The following PDZD2 variants were observed in gnomAD, a reference collection of about 807,000 sequenced individuals.
PDZD2 encodes PDZ domain-containing protein 2.
Under a neutral mutation model 220.7 loss-of-function variants are expected in PDZD2, and 90 were observed. The observed-to-expected ratio is 0.41, with a 90% confidence interval of 0.34 to 0.49. The LOEUF (loss-of-function observed/expected upper bound fraction) is 0.49. PDZD2 is among the 20% of genes least tolerant of loss of function. The probability of loss-of-function intolerance (pLI) is 0.28; values close to 1 mark genes in which losing one functional copy is unlikely to be tolerated. For synonymous variants in PDZD2, 1,375 were observed against 1,450.5 expected (o/e 0.95, Z 1.18); for missense variants, 3,174 against 3,608.5 (o/e 0.88, Z 3.08).
At chr5:31,880,219 G>A (rs532178918) in intron 2 of PDZD2, among the ~76,000 whole-genome samples, 2 of 151,962 alleles carry the variant, frequency 1.3e-5, no homozygotes, top group East Asian at 1.9e-4. Flanking sequence ...CACTGCACCC[G>A]GCCAATACCT....
intron 6 of PDZD2, among the ~76,000 whole-genome samples, chr5:32,027,522 G>T (rs969698423): frequency 3.3e-4 from 50 of 152,268 alleles, no homozygotes; most frequent in Admixed American, 9.8e-4. Flanking sequence ...CCTGAGCGTC[G>T]CAGTGGGCAT....
chr5:31,838,298 T>A (rs1053973692), intron 2 of PDZD2, among the ~76,000 whole-genome samples: 4 of 152,160 alleles, frequency 2.6e-5, no homozygotes, highest in Non-Finnish European at 5.9e-5. Flanking sequence ...CCTCAAATGA[T>A]CTGCCTGCCT....
intron 1 of PDZD2, among the ~76,000 whole-genome samples, chr5:31,788,468 A>G (rs1753512555): frequency 1.3e-5 from 2 of 152,222 alleles, no homozygotes; most frequent in African/African-American, 4.8e-5. Context: ...GATCGAGACC[A>G]TCCTGGCTAA....
intron 2 of PDZD2, among the ~76,000 whole-genome samples, chr5:31,951,446 C>T (rs1360125079): frequency 3.9e-5 from 6 of 152,070 alleles, no homozygotes; most frequent in East Asian, 1.9e-4. Flanking sequence ...CTCAAAGGCT[C>T]GACCTCTTAA....
intron 19 of PDZD2, 102 bp downstream of exon 19, chr5:32,077,708 GC>G: frequency 3.2e-6 from 4 of 1,260,002 alleles, no homozygotes; most frequent in Non-Finnish European, 4.5e-6. Context: ...TGTAATCCCA[GC>G]ACTCTGGGAG....
chr5:31,938,715 T>C (rs1300113908), intron 2 of PDZD2, among the ~76,000 whole-genome samples: 1 of 152,224 alleles, frequency 6.6e-6, no homozygotes, highest in East Asian at 1.9e-4. Context: ...GAATACCATG[T>C]TTTCTCATAT....
chr5:32,027,569 A>C (rs1423992631), intron 6 of PDZD2, among the ~76,000 whole-genome samples: 2 of 152,114 alleles, frequency 1.3e-5, no homozygotes, highest in Non-Finnish European at 2.9e-5. Context: ...TGCATCTGAC[A>C]ACCTCTGATC....
At chr5:31,699,977 C>T (rs548298036) in intron 1 of PDZD2, among the ~76,000 whole-genome samples, 2 of 151,934 alleles carry the variant, frequency 1.3e-5, no homozygotes, top group Non-Finnish European at 2.9e-5. Flanking sequence ...CTTGGGGAAC[C>T]CTTGAAGAAT....
intron 2 of PDZD2, among the ~76,000 whole-genome samples, chr5:31,978,427 A>G (rs1307146769): frequency 6.6e-6 from 1 of 152,208 alleles, no homozygotes; most frequent in Non-Finnish European, 1.5e-5. Context: ...GGTTTAAAGA[A>G]TTCTAAGAAT....
At chr5:31,960,984 C>G (rs181305314) in intron 2 of PDZD2, among the ~76,000 whole-genome samples, 1 of 152,232 alleles carries the variant, frequency 6.6e-6, no homozygotes, top group African/African-American at 2.4e-5. Context: ...GAGCCCAATG[C>G]CATCACTCAA....
intron 1 of PDZD2, among the ~76,000 whole-genome samples, chr5:31,697,728 C>A (rs1747432533): frequency 6.6e-6 from 1 of 152,102 alleles, no homozygotes; most frequent in South Asian, 2.1e-4. Flanking sequence ...TCCATGGTAC[C>A]AGGAGACCTC....
At chr5:31,783,963 C>T (rs777758947) in intron 1 of PDZD2, among the ~76,000 whole-genome samples, 9 of 152,156 alleles carry the variant, frequency 5.9e-5, no homozygotes, top group African/African-American at 1.7e-4. Flanking sequence ...ACTGAGTCTC[C>T]GGTCCCCTCT....
At chr5:31,840,992 T>C (rs1415841406) in intron 2 of PDZD2, 6 of 398,756 alleles carry the variant, frequency 1.5e-5, no homozygotes, top group Non-Finnish European at 2.7e-5. Flanking sequence ...TACTGGAGGA[T>C]GGCGGTTCCA....
intron 6 of PDZD2, among the ~76,000 whole-genome samples, chr5:32,037,016 T>C (rs1251283658): frequency 6.6e-6 from 1 of 152,228 alleles, no homozygotes; most frequent in Non-Finnish European, 1.5e-5. Context: ...GGTTCCATGC[T>C]GGGCGGTGAG....
intron 24 of PDZD2, among the ~76,000 whole-genome samples, chr5:32,104,654 A>C (rs990899771): frequency 4.0e-5 from 5 of 125,902 alleles, no homozygotes; most frequent in Non-Finnish European, 6.3e-5. Context: ...CAGGAGGCGG[A>C]GGTTGCAGTG....
intron 2 of PDZD2, among the ~76,000 whole-genome samples, chr5:31,816,451 G>A (rs1055215609): frequency 3.3e-5 from 5 of 152,022 alleles, no homozygotes; most frequent in African/African-American, 1.2e-4. Flanking sequence ...AGATGGTGTT[G>A]TAACAATAAA....
intron 2 of PDZD2, among the ~76,000 whole-genome samples, chr5:31,800,998 C>G (rs1385537008): frequency 6.6e-6 from 1 of 152,218 alleles, no homozygotes; most frequent in African/African-American, 2.4e-5. Context: ...TCAGTGGAAA[C>G]CAGCCAGGGG....
Position 31,830,332 on chromosome 5 carries a change from AT to A in PDZD2, c.476+30625del, listed in dbSNP as rs11447724. 5.4e-3 allele frequency among the ~76,000 whole-genome samples: 662 copies of A among 123,720 alleles called. 10 individuals are homozygous for A. Among genetic ancestry groups the A allele is most frequent in the East Asian group, 0.017 (77 of 4,472 alleles). 81.2% of individuals were successfully genotyped at this position (123,720 alleles called of 152,430 possible). Reference sequence around the variant, plus strand: ...AGGCGCCCACCACCACGCCCAGCTAATTTTTTTTTTTTTTTTTGTATTTTTA... The same window carrying A: ...AGGCGCCCACCACCACGCCCAGCTAATTTTTTTTTTTTTTTTGTATTTTTA... On this transcript the variant is annotated intron_variant, in intron 2 of 24. Coordinates refer to ENST00000438447, the MANE Select transcript of PDZD2 (RefSeq NM_178140.4).
intron 2 of PDZD2, among the ~76,000 whole-genome samples, chr5:31,883,704 C>G (rs1011837762): frequency 6.6e-6 from 1 of 151,550 alleles, no homozygotes; most frequent in Non-Finnish European, 1.5e-5. Flanking sequence ...TTGCAACTTC[C>G]ACCTCTCATG....
Sources: allele counts gnomAD v4.1 joint callset (sites outside exome capture counted in the v4.1 genomes callset), GRCh38; gene constraint gnomAD v4.1.1; transcripts MANE v1.5; gene names NCBI Gene and HGNC (gene_info 2026-07-23, HGNC 2026-07-21).